GPC6: variants seen among roughly 807,000 people sequenced by gnomAD.
GPC6 encodes the protein glypican 6, also known as glypican-6.
Under a neutral mutation model 55.2 loss-of-function variants are expected in GPC6, and 14 were observed. That is an observed-to-expected ratio of 0.25 (90% CI 0.17 to 0.40). The LOEUF (loss-of-function observed/expected upper bound fraction) is 0.40, where lower values mean the gene tolerates loss of function less well. Among genes scored for constraint, GPC6 ranks in the 10% least tolerant of loss-of-function variants. The pLI, the probability that GPC6 is intolerant of heterozygous loss-of-function variation, is 1.00. For synonymous variants in GPC6, 278 were observed against 259.6 expected, an observed-to-expected ratio of 1.07 and a Z score of -0.68; for missense variants, 641 against 708.5, an observed-to-expected ratio of 0.90 and a Z score of 1.08.
intron 1 of GPC6, among the ~76,000 whole-genome samples, chr13:93,363,943 G>A (rs1881144884): frequency 6.6e-6 from 1 of 152,012 alleles, no homozygotes; most frequent in African/African-American, 2.4e-5. Flanking sequence ...CTTTTGAGAA[G>A]TGTCTGTTCA....
intron 4 of GPC6, among the ~76,000 whole-genome samples, chr13:94,028,842 T>TAAA (rs1289898853): frequency 6.6e-6 from 1 of 152,158 alleles, no homozygotes; most frequent in Admixed American, 6.5e-5. Flanking sequence ...CATCCAAGGA[T>TAAA]AAAAGGACAA....
chr13:93,470,396 G>A (rs953542248), intron 1 of GPC6, among the ~76,000 whole-genome samples: 14 of 151,732 alleles, frequency 9.2e-5, no homozygotes, highest in South Asian at 2.1e-4. Context: ...ATTTCTTTTC[G>A]GACTGTTAAT....
At chr13:93,759,198 C>T (rs28725262) in intron 2 of GPC6, among the ~76,000 whole-genome samples, 31,790 of 152,044 alleles carry the variant, frequency 0.21, 3,724 homozygotes, top group Non-Finnish European at 0.25. Context: ...TCTCTGGCTA[C>T]ATCATAATAT....
At chr13:94,202,561 A>T (rs145003043) in intron 4 of GPC6, among the ~76,000 whole-genome samples, 3 of 152,280 alleles carry the variant, frequency 2.0e-5, no homozygotes, top group African/African-American at 7.2e-5. Flanking sequence ...CCCATGATTC[A>T]ATTATCTCCC....
At chr13:94,146,653 C>G (rs1887571850) in intron 4 of GPC6, among the ~76,000 whole-genome samples, 1 of 152,044 alleles carries the variant, frequency 6.6e-6, no homozygotes. Flanking sequence ...GATCATAAAT[C>G]AACTCCTTGA....
At chr13:93,570,870 A>G (rs1876367447) in intron 2 of GPC6, among the ~76,000 whole-genome samples, 1 of 152,170 alleles carries the variant, frequency 6.6e-6, no homozygotes, top group Admixed American at 6.5e-5. Flanking sequence ...TACTGAGAGA[A>G]ACAATAGAAC....
intron 4 of GPC6, among the ~76,000 whole-genome samples, chr13:94,061,465 G>C (rs1446481109): frequency 6.6e-6 from 1 of 152,084 alleles, no homozygotes. Flanking sequence ...CAGAGTTGTG[G>C]CTGCAATAAA....
intron 2 of GPC6, among the ~76,000 whole-genome samples, chr13:93,719,178 A>G (rs1314794501): frequency 2.0e-5 from 3 of 152,012 alleles, no homozygotes; most frequent in Non-Finnish European, 2.9e-5. Flanking sequence ...TTTGGGCAGT[A>G]TGGCCATTTT....
chr13:93,902,257 A>AT (rs1420941548), intron 3 of GPC6, among the ~76,000 whole-genome samples: 1 of 151,866 alleles, frequency 6.6e-6, no homozygotes, highest in Non-Finnish European at 1.5e-5. Flanking sequence ...ACTCTACTTC[A>AT]TGAGAACAGC....
At chr13:94,272,269 T>C (rs941452559) in intron 4 of GPC6, among the ~76,000 whole-genome samples, 18 of 152,106 alleles carry the variant, frequency 1.2e-4, no homozygotes, top group African/African-American at 4.3e-4. Context: ...CCATGTAGGT[T>C]GCAAGCCCTT....
intron 2 of GPC6, among the ~76,000 whole-genome samples, chr13:93,820,613 TA>T (rs139710140): frequency 6.5e-4 from 95 of 146,232 alleles, no homozygotes; most frequent in Middle Eastern, 3.5e-3. Context: ...AATGGAAAGT[TA>T]AAAAAAAAAG....
chr13:94,284,746 C>T (rs1052282543), intron 4 of GPC6, among the ~76,000 whole-genome samples: 16 of 151,688 alleles, frequency 1.1e-4, no homozygotes, highest in South Asian at 6.2e-4. Context: ...AGGAATACAG[C>T]GTTTCAATGT....
At chr13:93,264,689 C>T (rs1441786952) in intron 1 of GPC6, among the ~76,000 whole-genome samples, 2 of 152,190 alleles carry the variant, frequency 1.3e-5, no homozygotes, top group African/African-American at 4.8e-5. Flanking sequence ...TGAGCCACCA[C>T]ACCTGGCTAT....
At chr13:93,483,945 C>T (rs1458571161) in intron 1 of GPC6, among the ~76,000 whole-genome samples, 2 of 152,150 alleles carry the variant, frequency 1.3e-5, no homozygotes, top group African/African-American at 4.8e-5. Context: ...GTGTAGAAAA[C>T]AGAACACTCA....
chr13:93,897,911 A>T (rs1876106421), intron 3 of GPC6, among the ~76,000 whole-genome samples: 2 of 152,088 alleles, frequency 1.3e-5, no homozygotes, highest in Non-Finnish European at 2.9e-5. Context: ...AATTCCCTAT[A>T]TCTATCCTCG....
At chr13:93,312,383 G>A (rs1879102581) in intron 1 of GPC6, among the ~76,000 whole-genome samples, 1 of 152,120 alleles carries the variant, frequency 6.6e-6, no homozygotes, top group Non-Finnish European at 1.5e-5. Flanking sequence ...AGTGGCATAT[G>A]TACACCTATT....
intron 1 of GPC6, among the ~76,000 whole-genome samples, chr13:93,393,634 C>T (rs191445405): frequency 1.2e-4 from 18 of 151,178 alleles, no homozygotes; most frequent in African/African-American, 4.1e-4. Flanking sequence ...GACCTGTTCT[C>T]TCTCTCTCTC....
intron 1 of GPC6, among the ~76,000 whole-genome samples, chr13:93,387,248 G>A (rs1250086994): frequency 6.6e-6 from 1 of 151,510 alleles, no homozygotes; most frequent in Non-Finnish European, 1.5e-5. Flanking sequence ...ATGGTGGCTT[G>A]CTGCAGCTAT....
intron 1 of GPC6, among the ~76,000 whole-genome samples, chr13:93,499,106 C>A (rs72640594): frequency 3.3e-5 from 5 of 151,694 alleles, no homozygotes; most frequent in Admixed American, 2.6e-4. Flanking sequence ...CACACACACA[C>A]ACACACACAC....
Sources: allele counts gnomAD v4.1 joint callset (sites outside exome capture counted in the v4.1 genomes callset), GRCh38; gene constraint gnomAD v4.1.1; transcripts MANE v1.5; gene names NCBI Gene and HGNC (gene_info 2026-07-23, HGNC 2026-07-21).